The following MTMR14 variants were observed in gnomAD, a reference collection of about 807,000 sequenced individuals.
The protein encoded by MTMR14 is myotubularin related protein 14, also known as phosphatidylinositol-3,5-bisphosphate 3-phosphatase MTMR14.
A neutral mutation model predicts 86.3 loss-of-function variants in MTMR14; 48 were observed. The ratio of observed to expected loss-of-function variants is 0.56; its 90% CI spans 0.44 to 0.71. The LOEUF is 0.71. Ranked by LOEUF, MTMR14 falls within the 30% of genes least tolerant of loss-of-function variation. The probability of loss-of-function intolerance (pLI) is 0.00; values close to 1 mark genes in which losing one functional copy is unlikely to be tolerated. For synonymous variants in MTMR14, 366 were observed against 326.1 expected, an observed-to-expected ratio of 1.12 and a Z score of -1.32; for missense variants, 780 against 834.6, an observed-to-expected ratio of 0.93 and a Z score of 0.81.
chr3:9,651,094 G>A (rs77891893), intron 1 of MTMR14, among the ~76,000 whole-genome samples: 7,057 of 151,720 alleles, frequency 0.047, 248 homozygotes, highest in Non-Finnish European at 0.063. Flanking sequence ...TGGCTTTTTT[G>A]TTTGTTTGTT....
At chr3:9,691,270 C>T (rs1372024926) in intron 17 of MTMR14, among the ~76,000 whole-genome samples, 1 of 152,186 alleles carries the variant, frequency 6.6e-6, no homozygotes. Flanking sequence ...CGCCGTCTGG[C>T]CCCATGGGAG....
chr3:9,663,245 A>G (rs1278401272), intron 3 of MTMR14, among the ~76,000 whole-genome samples: 1 of 152,102 alleles, frequency 6.6e-6, no homozygotes, highest in Non-Finnish European at 1.5e-5. Flanking sequence ...TGAGTGTCTC[A>G]GTGGTCAAGG....
At position 9,701,524 on chromosome 3, in the gene MTMR14, GAAAA is replaced by G. The variant is rs200994622; in HGVS notation, c.1770-255_1770-252del. 1.6e-5 allele frequency: 7 copies of G among 443,262 alleles called. No individual in the cohort carries two copies. The highest frequency in any genetic ancestry group is 3.7e-5 in the Admixed American group (1 of 26,860). The allele number at this position is 443,262 out of a possible 1,614,324, so 27.5% of individuals were successfully genotyped here. The stretch of plus-strand genomic sequence containing the variant: ...GCAATAGAGTGAGACCTTGTCTCAA[GAAAA>G]AAAAAAAAAAGGTTAGTGTCCCAGT... On this transcript the variant is annotated intron_variant, in intron 18 of 18. Transcript: ENST00000296003. The surrounding 1 kb of genome is among the most constrained non-coding windows in gnomAD (Gnocchi z 4.2).
chr3:9,699,065 G>A (rs1164830747), intron 18 of MTMR14, among the ~76,000 whole-genome samples: 2 of 151,826 alleles, frequency 1.3e-5, no homozygotes, highest in African/African-American at 2.4e-5. Flanking sequence ...CCAGCTACTC[G>A]GGAGGCTGAG....
intron 17 of MTMR14, among the ~76,000 whole-genome samples, chr3:9,690,365 C>A (rs2076100764): frequency 6.6e-6 from 1 of 152,186 alleles, no homozygotes. Context: ...TGCAGGGGAA[C>A]CCAGAAGTGC....
chr3:9,649,782 C>T (rs751769122), intron 1 of MTMR14, 40 bp downstream of exon 1: 3 of 1,610,376 alleles, frequency 1.9e-6, no homozygotes, highest in Non-Finnish European at 2.5e-6. Flanking sequence ...AGGCTCCTAA[C>T]TTGGGAAGTT....
intron 14 of MTMR14, 50 bp from the exon 15 acceptor site, chr3:9,688,646 A>G (rs746482718): frequency 1.3e-5 from 21 of 1,606,106 alleles, no homozygotes; most frequent in East Asian, 6.7e-5. Context: ...GGGGGACACA[A>G]TAAGACCCCA....
In MTMR14 at chr3:9,649,560, A is replaced by G; in HGVS notation, c.-24A>G. On this transcript the variant is annotated 5_prime_UTR_variant, in exon 1 of 19. Transcript: ENST00000296003. ...GGTGCCATGGGCCCGCTTGAGGCAC[A>G]CTGAGGGGACGCGGGGCTGGGCCAT... The G allele has an allele frequency of 1.3e-6, 2 of 1,535,890 alleles. No homozygotes were observed. Among genetic ancestry groups the G allele is most frequent in the Non-Finnish European group, 1.8e-6 (2 of 1,141,810 alleles).
rs2076384795 is a variant in MTMR14, at chr3:9,699,404, G to A, written c.1769+1538G>A. 7 of 152,316 alleles carry A rather than the reference G, an allele frequency of 4.6e-5. No homozygotes were observed. In the South Asian group the frequency reaches 1.5e-3, roughly 32 times the overall value. The allele number at this position is 152,316 out of a possible 1,614,324, so 9.4% of individuals were successfully genotyped here. ...CTAGCCAAGCCTTTAGTTCTGGGAG[G>A]TTCTCAGAGGAGGGCTGGATTCCGT... On this transcript the variant is annotated intron_variant, in intron 18 of 18. Coordinates refer to ENST00000296003, the MANE Select transcript of MTMR14 (RefSeq NM_001077525.3).
chr3:9,668,248 G>C (rs1037213751), intron 3 of MTMR14, among the ~76,000 whole-genome samples: 10 of 152,174 alleles, frequency 6.6e-5, no homozygotes, highest in Non-Finnish European at 1.3e-4. Context: ...TAAGCACATA[G>C]AGGTCAGTGG....
chr3:9,675,524 T>A (rs991277416), intron 7 of MTMR14: 14 of 456,314 alleles, frequency 3.1e-5, no homozygotes, highest in African/African-American at 2.4e-4. Context: ...AGAAGTATTC[T>A]GGGATCGTTT....
intron 14 of MTMR14, 144 bp downstream of exon 14, chr3:9,688,035 C>G (rs1049307479): frequency 2.6e-6 from 2 of 756,788 alleles, no homozygotes; most frequent in Non-Finnish European, 4.5e-6. Flanking sequence ...CGCTCTGAGG[C>G]CAGGGTAGGG....
intron 7 of MTMR14, among the ~76,000 whole-genome samples, chr3:9,674,767 G>T (rs2048762032): frequency 6.6e-6 from 1 of 152,206 alleles, no homozygotes; most frequent in South Asian, 2.1e-4. Context: ...AAGGAAGTGT[G>T]CCAAAATGTT....
At chr3:9,694,502 TTGGA>T (rs60351585) in intron 17 of MTMR14, among the ~76,000 whole-genome samples, 7,536 of 151,814 alleles carry the variant, frequency 0.05, 203 homozygotes, top group African/African-American at 0.065. Context: ...GATAGATAGA[TTGGA>T]TGGATGGATG....
At chr3:9,675,679 A>G (rs1262122642) in intron 7 of MTMR14, 2 of 457,288 alleles carry the variant, frequency 4.4e-6, no homozygotes, top group Non-Finnish European at 8.8e-6. Context: ...CAGGTAATGA[A>G]CATTAGGCAT....
chr3:9,698,631 C>G (rs931467487), intron 18 of MTMR14, among the ~76,000 whole-genome samples: 4 of 152,226 alleles, frequency 2.6e-5, no homozygotes, highest in South Asian at 2.1e-4. Context: ...CTCATCCCCC[C>G]ACCCCTGTTG....
chr3:9,686,496 G>A (rs1027487280), intron 13 of MTMR14, among the ~76,000 whole-genome samples: 5 of 152,038 alleles, frequency 3.3e-5, no homozygotes, highest in Admixed American at 2.0e-4. Context: ...ACCCCCCCCA[G>A]ACAATCCAGA....
intron 17 of MTMR14, 87 bp downstream of exon 17, chr3:9,690,230 AGGGTCTCAAGATG>A: frequency 6.9e-7 from 1 of 1,449,116 alleles, no homozygotes; most frequent in East Asian, 2.3e-5. Context: ...CACCTGAGCT[AGGGTCTCAAGATG>A]GGGTTCCTAA....
intron 16 of MTMR14, among the ~76,000 whole-genome samples, chr3:9,689,397 A>G (rs982251205): frequency 2.6e-5 from 4 of 152,116 alleles, no homozygotes; most frequent in Non-Finnish European, 5.9e-5. Flanking sequence ...TCGGGGAGAT[A>G]GGGGGCCATT....
Sources: gnomAD v4.1 joint callset for allele counts (sites outside exome capture counted in the v4.1 genomes callset) on GRCh38, gnomAD v4.1.1 for gene constraint, Gnocchi (gnomAD v3.1) non-coding constraint, MANE v1.5 for transcripts, NCBI Gene and HGNC (gene_info 2026-07-23, HGNC 2026-07-21) for gene names.